Variants in MRPS9 observed in about 807,000 individuals in gnomAD.
The protein encoded by MRPS9 is mitochondrial ribosomal protein S9.
In MRPS9, 45 loss-of-function variants were observed where a neutral mutation model predicts 59.9. The ratio of observed to expected loss-of-function variants is 0.75; its 90% CI spans 0.59 to 0.96. The LOEUF is 0.96. MRPS9 is among the 40% of genes least tolerant of loss of function. The probability of loss-of-function intolerance (pLI) is 0.00; values close to 1 mark genes in which losing one functional copy is unlikely to be tolerated. For missense variants in MRPS9, 473 were observed against 481.1 expected (o/e 0.98, Z 0.16); for synonymous variants, 171 against 166.8 (o/e 1.03, Z -0.19).
rs776360588 is a variant in MRPS9 at position 105,071,335 on chromosome 2, C to T, written c.338C>T (p.Pro113Leu). ...CAGAGAGCTATTGCTTACCTTTTCC[C>T]AAGTGGTTTGTTTGAGAAACGAGCC... ...DIDRAIAYLF[P>L]SGLFEKRARP... Residue 113 changes from proline (P) to leucine (L), a missense_variant, in exon 3 of 11, where the codon CCA becomes CTA. Physicochemically the swap from Pro to Leu is moderately conservative, Grantham distance 98 (BLOSUM62 -3). Transcript: ENST00000258455. 1.3e-5 allele frequency: 21 copies of T among 1,609,818 alleles called. No homozygotes were observed. The highest frequency in any genetic ancestry group is 3.4e-6 in the Non-Finnish European group (4 of 1,178,862).
chr2:105,090,126 A>AAAAAC (rs147318136), intron 7 of MRPS9, 131 bp downstream of exon 7: 6 of 481,256 alleles, frequency 1.2e-5, no homozygotes, highest in East Asian at 1.1e-4. Flanking sequence ...TTCTTTCTTT[A>AAAAAC]AAAACAAAAC....
At chr2:105,085,753 T>C (rs1348560819) in intron 5 of MRPS9, among the ~76,000 whole-genome samples, 1 of 152,196 alleles carries the variant, frequency 6.6e-6, no homozygotes, top group African/African-American at 2.4e-5. Context: ...GCATTTCACA[T>C]CTGGGTTATT....
chr2:105,058,639 A>G (rs771441282), intron 2 of MRPS9, among the ~76,000 whole-genome samples: 1 of 151,186 alleles, frequency 6.6e-6, no homozygotes, highest in Non-Finnish European at 1.5e-5. Context: ...TTTTGGATTC[A>G]CATTAAGTAT....
intron 2 of MRPS9, among the ~76,000 whole-genome samples, chr2:105,053,953 G>T (rs1377739202): frequency 6.6e-6 from 1 of 152,156 alleles, no homozygotes; most frequent in Non-Finnish European, 1.5e-5. Context: ...AAATGAGGTT[G>T]AATTTATTGT....
intron 2 of MRPS9, among the ~76,000 whole-genome samples, chr2:105,061,199 C>A (rs948737989): frequency 6.8e-6 from 1 of 147,102 alleles, no homozygotes; most frequent in Admixed American, 6.8e-5. Context: ...CCTCAAGTTA[C>A]AATGCCCTAA....
At chr2:105,080,083 A>G in intron 5 of MRPS9, 21 bp downstream of exon 5, 2 of 1,502,314 alleles carry the variant, frequency 1.3e-6, no homozygotes, top group Non-Finnish European at 1.8e-6. Context: ...TGCATTTATG[A>G]TAAATAATAT....
At chr2:105,085,125 A>C (rs1680422637) in intron 5 of MRPS9, among the ~76,000 whole-genome samples, 1 of 152,200 alleles carries the variant, frequency 6.6e-6, no homozygotes, top group African/African-American at 2.4e-5. Flanking sequence ...AATGGCATTT[A>C]CATGATGTAC....
chr2:105,077,986 T>C (rs1190572308), intron 4 of MRPS9, among the ~76,000 whole-genome samples: 1 of 151,950 alleles, frequency 6.6e-6, no homozygotes, highest in Admixed American at 6.6e-5. Flanking sequence ...GGAAAAAAAA[T>C]TGTTTTAAGT....
chr2:105,096,004 T>C (rs1374734789), intron 9 of MRPS9, among the ~76,000 whole-genome samples: 1 of 152,168 alleles, frequency 6.6e-6, no homozygotes, highest in African/African-American at 2.4e-5. Flanking sequence ...ATACTACTTA[T>C]AATACTGTTT....
intron 4 of MRPS9, among the ~76,000 whole-genome samples, chr2:105,074,641 T>C (rs1680173352): frequency 6.6e-6 from 1 of 152,208 alleles, no homozygotes; most frequent in Non-Finnish European, 1.5e-5. Context: ...ACATGGAGTT[T>C]AACTTACCAA....
Position 105,099,738 on chromosome 2 carries a change from A to T in MRPS9, c.1168A>T (p.Lys390Ter). The T allele has an allele frequency of 6.2e-7, 1 of 1,614,174 alleles. No homozygotes were observed. Among genetic ancestry groups the T allele is most frequent in the Non-Finnish European group, 8.5e-7 (1 of 1,180,034 alleles). Residue 390 changes from lysine (K) to a stop codon, truncating the protein, a stop_gained, in exon 11 of 11, where the codon AAG becomes TAG. Coordinates refer to ENST00000258455, the MANE Select transcript of MRPS9 (RefSeq NM_182640.3). LOFTEE classifies it high-confidence loss of function. ...KKPGQEGARR[K>*]FTWKKR is the part of the protein sequence containing the mutation. ...GCCAGGCCAAGAGGGAGCCCGCAGA[A>T]AGTTTACGTGGAAGAAACGCTAAGG...
chr2:105,038,199 C>G lies in MRPS9; in HGVS notation c.107C>G (p.Pro36Arg). The G allele has an allele frequency of 6.2e-7, 1 of 1,612,816 alleles. No homozygotes were observed. The change falls in exon 1 of 11, where the codon CCT becomes CGT. Residue 36 changes from proline (P) to arginine (R), a missense_variant. Coordinates refer to ENST00000258455, the MANE Select transcript of MRPS9 (RefSeq NM_182640.3). ...CAAGGCCTCTGGAAAACCGCGGCCCCTGAGTTGCAAACAAATGTCAGATCC... is the reference window on the plus strand; with the variant it reads ...CAAGGCCTCTGGAAAACCGCGGCCCGTGAGTTGCAAACAAATGTCAGATCC... Reference protein sequence around the residue: ...RKQGLWKTAAPELQTNVRSQI... With the variant: ...RKQGLWKTAARELQTNVRSQI...
At chr2:105,049,137 ATTTTC>A (rs1679662303) in intron 1 of MRPS9, 29 bp from the exon 2 acceptor site, 1 of 1,381,004 alleles carries the variant, frequency 7.2e-7, no homozygotes, top group Non-Finnish European at 1.0e-6. Context: ...AGTTTAATTT[ATTTTC>A]TTTTCTTTCC....
chr2:105,077,501 G>A (rs1398048942), intron 4 of MRPS9, among the ~76,000 whole-genome samples: 4 of 152,134 alleles, frequency 2.6e-5, no homozygotes, highest in Non-Finnish European at 5.9e-5. Flanking sequence ...AATGGTGTAT[G>A]TAGCATAAAT....
intron 1 of MRPS9, 159 bp downstream of exon 1, chr2:105,038,386 T>C (rs1339429177): frequency 5.4e-6 from 5 of 933,360 alleles, no homozygotes; most frequent in Non-Finnish European, 7.8e-6. Context: ...GAGGTGGGTA[T>C]TGGCGTGCAG....
At chr2:105,040,880 A>G (rs1217598445) in intron 1 of MRPS9, among the ~76,000 whole-genome samples, 1 of 152,224 alleles carries the variant, frequency 6.6e-6, no homozygotes, top group Non-Finnish European at 1.5e-5. Context: ...GAGGAGGCAA[A>G]GGAAAATAGC....
intron 8 of MRPS9, 44 bp downstream of exon 8, chr2:105,092,613 A>G (rs771653296): frequency 5.0e-6 from 7 of 1,400,554 alleles, no homozygotes; most frequent in Admixed American, 5.0e-5. Flanking sequence ...GTGAAGGTTG[A>G]AAAACTACAA....
intron 2 of MRPS9, among the ~76,000 whole-genome samples, chr2:105,060,976 T>C (rs1217820664): frequency 6.7e-6 from 1 of 150,318 alleles, no homozygotes. Flanking sequence ...CCGGGCATGG[T>C]GGTGAGTGCC....
chr2:105,078,402 C>T (rs949526768), intron 4 of MRPS9, among the ~76,000 whole-genome samples: 18 of 151,698 alleles, frequency 1.2e-4, no homozygotes, highest in African/African-American at 4.1e-4. Flanking sequence ...AAGCATCTCT[C>T]CAAGCTTACC....
Sources: gnomAD v4.1 joint callset for allele counts (sites outside exome capture counted in the v4.1 genomes callset) on GRCh38, gnomAD v4.1.1 for gene constraint, MANE v1.5 for transcripts, NCBI Gene and HGNC (gene_info 2026-07-23, HGNC 2026-07-21) for gene names.